ARHGAP26: variants seen among roughly 807,000 people sequenced by gnomAD.
ARHGAP26 encodes the protein Rho GTPase activating protein 26, also known as rho GTPase-activating protein 26.
ARHGAP26 carries 38 observed loss-of-function variants against 104.8 expected under a neutral mutation model. The ratio of observed to expected loss-of-function variants is 0.36; its 90% CI spans 0.28 to 0.48. The LOEUF is 0.48. Among genes scored for constraint, ARHGAP26 ranks in the 20% least tolerant of loss-of-function variants. ARHGAP26 has a pLI of 0.99. For synonymous variants in ARHGAP26, 341 were observed against 340.0 expected, an observed-to-expected ratio of 1.00 and a Z score of -0.03; for missense variants, 704 against 947.9, an observed-to-expected ratio of 0.74 and a Z score of 3.38.
chr5:143,180,406 A>G (rs937529514), intron 20 of ARHGAP26, among the ~76,000 whole-genome samples: 1 of 152,160 alleles, frequency 6.6e-6, no homozygotes, highest in African/African-American at 2.4e-5. Context: ...TTACAGGCAT[A>G]AGCCACCTTA....
intron 11 of ARHGAP26, among the ~76,000 whole-genome samples, chr5:142,996,689 G>A (rs992199187): frequency 8.5e-5 from 13 of 152,072 alleles, no homozygotes; most frequent in African/African-American, 3.1e-4. Context: ...TAGATTTGAG[G>A]TTAGGGGAAA....
chr5:143,168,286 G>T (rs1356521000), intron 20 of ARHGAP26, among the ~76,000 whole-genome samples: 1 of 152,032 alleles, frequency 6.6e-6, no homozygotes, highest in Non-Finnish European at 1.5e-5. Flanking sequence ...AGCTGGGGAA[G>T]CCTAGTAATG....
In ARHGAP26 at chr5:143,178,972, C is replaced by T. The variant is rs138308169; in HGVS notation, c.1989-28226C>T. ...GCAACTTCCGCCTCCCGGGTTCAAG[C>T]GATTCTCCTGCTTCAGCCTCCCAAG... On this transcript the variant is annotated intron_variant, in intron 20 of 22. Coordinates refer to ENST00000645722, the MANE Select transcript of ARHGAP26 (RefSeq NM_001135608.3). Among the ~76,000 whole-genome samples, 153 of 152,024 alleles carry T rather than the reference C, an allele frequency of 1.0e-3. 1 individual carries two copies. The highest frequency in any genetic ancestry group is 3.5e-3 in the African/African-American group (143 of 41,424).
In ARHGAP26 at chr5:142,873,407, T is replaced by C; in HGVS notation, c.162T>C (p.Ser54=). 1 of 1,591,824 alleles carries C rather than the reference T, an allele frequency of 6.3e-7. No homozygotes were observed. Residue 54 remains serine, a synonymous_variant, in exon 2 of 23, where the codon TCT becomes TCC. Coordinates refer to ENST00000645722, the MANE Select transcript of ARHGAP26 (RefSeq NM_001135608.3). ...CTGTCTTTTTCTTGCTAGATTTGTC[T>C]TCAGCGAAGCGGAAGTTTGCAGATT... The part of the protein sequence containing the change: ...KSLISALKNL[S]SAKRKFADSL...
intron 11 of ARHGAP26, among the ~76,000 whole-genome samples, chr5:142,954,689 C>T (rs890212596): frequency 5.3e-5 from 8 of 152,230 alleles, no homozygotes; most frequent in African/African-American, 1.9e-4. Context: ...GTTGTATAAG[C>T]ATATGAAACT....
intron 11 of ARHGAP26, among the ~76,000 whole-genome samples, chr5:142,950,347 A>G (rs903659720): frequency 2.0e-5 from 3 of 152,028 alleles, no homozygotes; most frequent in Non-Finnish European, 4.4e-5. Context: ...ATTAGTGTAT[A>G]TACTTTCCTT....
chr5:142,898,139 G>A (rs1363824185), intron 6 of ARHGAP26, among the ~76,000 whole-genome samples: 1 of 149,824 alleles, frequency 6.7e-6, no homozygotes, highest in Non-Finnish European at 1.5e-5. Context: ...GATCTTTTGG[G>A]ATATATATGT....
chr5:142,836,615 G>A (rs748127533), intron 1 of ARHGAP26, among the ~76,000 whole-genome samples: 1 of 152,150 alleles, frequency 6.6e-6, no homozygotes, highest in Admixed American at 6.5e-5. Context: ...AGTTGTCTCC[G>A]GGTTACTTAG....
At position 143,142,362 on chromosome 5, in the gene ARHGAP26, G is replaced by A. The variant is rs1022117812; in HGVS notation, c.1838-4869G>A. Among the ~76,000 whole-genome samples the A allele has an allele frequency of 2.9e-4, 44 of 151,678 alleles. 1 individual carries two copies. The highest frequency in any genetic ancestry group is 2.3e-3 in the Admixed American group (35 of 15,234). ...CCATACTGGCCAGGCTGCTAGTCTC[G>A]AACTCCTGACCTTGTGATCCACCTG... On this transcript the variant is annotated intron_variant, in intron 19 of 22. Coordinates refer to ENST00000645722, the MANE Select transcript of ARHGAP26 (RefSeq NM_001135608.3).
intron 5 of ARHGAP26, among the ~76,000 whole-genome samples, chr5:142,893,917 A>G (rs1598121993): frequency 6.8e-6 from 1 of 146,734 alleles, no homozygotes; most frequent in Non-Finnish European, 1.5e-5. Flanking sequence ...TCTCCTGCCC[A>G]CTTTTTAATG....
chr5:143,011,466 G>A (rs780270026), intron 11 of ARHGAP26, among the ~76,000 whole-genome samples: 2 of 152,110 alleles, frequency 1.3e-5, no homozygotes, highest in South Asian at 2.1e-4. Context: ...CACCTGGAAC[G>A]TTGCCTGACC....
chr5:142,783,156 G>C (rs540603894), intron 1 of ARHGAP26, among the ~76,000 whole-genome samples: 1 of 152,208 alleles, frequency 6.6e-6, no homozygotes, highest in Admixed American at 6.5e-5. Context: ...CTCCAGCCTC[G>C]TGGGCACATC....
chr5:142,925,351 A>G (rs1270450778), intron 10 of ARHGAP26, among the ~76,000 whole-genome samples: 1 of 152,200 alleles, frequency 6.6e-6, no homozygotes, highest in Non-Finnish European at 1.5e-5. Flanking sequence ...AAAAACCAAG[A>G]GCAACATAAG....
chr5:143,056,151 A>G, intron 16 of ARHGAP26, 65 bp downstream of exon 16: 2 of 1,377,404 alleles, frequency 1.5e-6, no homozygotes, highest in Non-Finnish European at 2.1e-6. Context: ...AAGAAGAGTC[A>G]GTATCCCAAA....
chr5:143,102,320 C>T (rs958867071), intron 17 of ARHGAP26, among the ~76,000 whole-genome samples: 1 of 152,192 alleles, frequency 6.6e-6, no homozygotes, highest in Non-Finnish European at 1.5e-5. Context: ...GTGTGAGTCT[C>T]CCCTGGCAGG....
intron 17 of ARHGAP26, among the ~76,000 whole-genome samples, chr5:143,089,675 G>A (rs1490952457): frequency 2.0e-5 from 3 of 152,174 alleles, no homozygotes; most frequent in Non-Finnish European, 2.9e-5. Context: ...GTAAATCACT[G>A]TTGGTTGTAA....
intron 22 of ARHGAP26, among the ~76,000 whole-genome samples, chr5:143,217,801 C>T (rs1460960075): frequency 4.6e-5 from 7 of 152,236 alleles, no homozygotes; most frequent in Non-Finnish European, 1.0e-4. Context: ...CATCTTGTCA[C>T]TGGCTTCCAC....
chr5:142,858,178 G>C (rs925960310), intron 1 of ARHGAP26, among the ~76,000 whole-genome samples: 6 of 151,708 alleles, frequency 4.0e-5, no homozygotes, highest in African/African-American at 1.5e-4. Flanking sequence ...GTATTAGAAG[G>C]GATGGTTTTT....
At chr5:142,815,247 G>T (rs1434359927) in intron 1 of ARHGAP26, among the ~76,000 whole-genome samples, 3 of 152,140 alleles carry the variant, frequency 2.0e-5, no homozygotes, top group Non-Finnish European at 4.4e-5. Flanking sequence ...CACCATGTTG[G>T]CCAGGCTGGT....
Sources: gnomAD v4.1 joint callset for allele counts (sites outside exome capture counted in the v4.1 genomes callset) on GRCh38, gnomAD v4.1.1 for gene constraint, MANE v1.5 for transcripts, NCBI Gene and HGNC (gene_info 2026-07-23, HGNC 2026-07-21) for gene names.